The following ITFG1 variants were observed in gnomAD, a reference collection of about 807,000 sequenced individuals.
ITFG1 encodes T-cell immunomodulatory protein.
Under a neutral mutation model 81.8 loss-of-function variants are expected in ITFG1, and 34 were observed. That is an observed-to-expected ratio of 0.42 (90% confidence interval 0.32 to 0.55). The LOEUF (loss-of-function observed/expected upper bound fraction) is 0.55, where lower values mean the gene tolerates loss of function less well. Among genes scored for constraint, ITFG1 ranks in the 20% least tolerant of loss-of-function variants. ITFG1 has a pLI of 0.17. For missense variants in ITFG1, 672 were observed against 755.4 expected, an observed-to-expected ratio of 0.89 and a Z score of 1.29; for synonymous variants, 285 against 270.6, an observed-to-expected ratio of 1.05 and a Z score of -0.52.
intron 8 of ITFG1, among the ~76,000 whole-genome samples, chr16:47,335,047 T>G (rs1967684400): frequency 6.6e-6 from 1 of 152,124 alleles, no homozygotes; most frequent in Non-Finnish European, 1.5e-5. Context: ...AAATTACACA[T>G]ACATGCTTTT....
At chr16:47,377,217 C>T (rs1968337775) in intron 6 of ITFG1, among the ~76,000 whole-genome samples, 1 of 152,072 alleles carries the variant, frequency 6.6e-6, no homozygotes, top group Non-Finnish European at 1.5e-5. Flanking sequence ...GAACTCAAAA[C>T]TCCTCATTCC....
At chr16:47,289,925 T>C (rs763135076) in intron 10 of ITFG1, among the ~76,000 whole-genome samples, 3 of 152,118 alleles carry the variant, frequency 2.0e-5, no homozygotes, top group Non-Finnish European at 4.4e-5. Context: ...TTGACATGCA[T>C]TGTTAGGTGG....
At chr16:47,375,766 C>A (rs1465443062) in intron 7 of ITFG1, 110 bp downstream of exon 7, 1 of 746,632 alleles carries the variant, frequency 1.3e-6, no homozygotes, top group East Asian at 2.7e-5. Flanking sequence ...TTAAAGTTTT[C>A]TATTTATTGT....
intron 10 of ITFG1, among the ~76,000 whole-genome samples, chr16:47,274,955 G>T (rs1257104710): frequency 1.3e-5 from 2 of 152,130 alleles, no homozygotes; most frequent in African/African-American, 4.8e-5. Context: ...AGTATGTAAA[G>T]AATTGAAATA....
chr16:47,430,050 T>TA (rs1003894455), intron 5 of ITFG1, among the ~76,000 whole-genome samples: 4 of 151,148 alleles, frequency 2.6e-5, no homozygotes, highest in African/African-American at 9.7e-5. Flanking sequence ...GTTGTCTTTT[T>TA]ACTTTTCTTT....
At chr16:47,267,982 A>C (rs1351934301) in intron 10 of ITFG1, among the ~76,000 whole-genome samples, 1 of 152,072 alleles carries the variant, frequency 6.6e-6, no homozygotes, top group Non-Finnish European at 1.5e-5. Flanking sequence ...TTAAAAGCCA[A>C]AAATAGAAGA....
At chr16:47,369,895 A>AGT (rs1253577788) in intron 7 of ITFG1, among the ~76,000 whole-genome samples, 1 of 123,684 alleles carries the variant, frequency 8.1e-6, no homozygotes, top group East Asian at 2.4e-4. Flanking sequence ...GCTGGAGGGC[A>AGT]GTGGCGCGAT....
At chr16:47,276,029 T>C (rs1470250095) in intron 10 of ITFG1, among the ~76,000 whole-genome samples, 1 of 152,098 alleles carries the variant, frequency 6.6e-6, no homozygotes, top group Admixed American at 6.6e-5. Flanking sequence ...ACACCATGAC[T>C]ACTCAACACT....
intron 10 of ITFG1, among the ~76,000 whole-genome samples, chr16:47,270,583 T>A (rs1266768624): frequency 6.6e-6 from 1 of 152,226 alleles, no homozygotes; most frequent in Non-Finnish European, 1.5e-5. Flanking sequence ...AAGCACATGT[T>A]CAGACAATAA....
At chr16:47,199,145 A>G (rs774617450) in intron 14 of ITFG1, among the ~76,000 whole-genome samples, 1 of 151,962 alleles carries the variant, frequency 6.6e-6, no homozygotes, top group African/African-American at 2.4e-5. Flanking sequence ...ATCATGGCCC[A>G]TAATCCCAGT....
At chr16:47,398,599 A>G (rs1040263896) in intron 6 of ITFG1, among the ~76,000 whole-genome samples, 2 of 152,230 alleles carry the variant, frequency 1.3e-5, no homozygotes, top group African/African-American at 4.8e-5. Context: ...ACTTGATTTA[A>G]GTTTCCTTTC....
At chr16:47,432,331 T>C (rs1969106517) in intron 5 of ITFG1, among the ~76,000 whole-genome samples, 1 of 152,210 alleles carries the variant, frequency 6.6e-6, no homozygotes, top group African/African-American at 2.4e-5. Flanking sequence ...ACTGACTGGA[T>C]AGCAAACAAG....
intron 12 of ITFG1, among the ~76,000 whole-genome samples, chr16:47,240,773 T>C (rs1375388162): frequency 6.6e-6 from 1 of 152,188 alleles, no homozygotes; most frequent in Non-Finnish European, 1.5e-5. Context: ...GAAGGCATTA[T>C]GTTAGGATAA....
At chr16:47,256,386 T>C (rs1006769624) in intron 12 of ITFG1, among the ~76,000 whole-genome samples, 2 of 152,212 alleles carry the variant, frequency 1.3e-5, no homozygotes, top group Admixed American at 1.3e-4. Context: ...CTTACTCCAA[T>C]ACTCATTGTT....
At chr16:47,421,980 C>T (rs1243932664) in intron 6 of ITFG1, among the ~76,000 whole-genome samples, 1 of 152,194 alleles carries the variant, frequency 6.6e-6, no homozygotes, top group East Asian at 1.9e-4. Flanking sequence ...TTTCCAGCTT[C>T]ATCCATGTCC....
At chr16:47,271,139 T>C (rs1175675766) in intron 10 of ITFG1, among the ~76,000 whole-genome samples, 10 of 152,062 alleles carry the variant, frequency 6.6e-5, no homozygotes, top group Non-Finnish European at 5.9e-5. Context: ...CTTGACATCA[T>C]CAAGTTTGTG....
chr16:47,443,291 CT>C (rs1969278538), intron 5 of ITFG1, among the ~76,000 whole-genome samples: 2 of 152,200 alleles, frequency 1.3e-5, no homozygotes, highest in Admixed American at 1.3e-4. Context: ...CACTTTTACA[CT>C]GTTGGTGGGA....
intron 14 of ITFG1, among the ~76,000 whole-genome samples, chr16:47,177,569 G>A (rs1412773487): frequency 6.6e-6 from 1 of 152,136 alleles, no homozygotes; most frequent in Admixed American, 6.5e-5. Context: ...GAATATGTAT[G>A]TTAAATGCCG....
chr16:47,334,596 T>C (rs1596904858), intron 8 of ITFG1, among the ~76,000 whole-genome samples: 1 of 152,172 alleles, frequency 6.6e-6, no homozygotes, highest in African/African-American at 2.4e-5. Flanking sequence ...CAAGGCAAAT[T>C]ACACAGTTTT....
Sources: allele counts gnomAD v4.1 joint callset (sites outside exome capture counted in the v4.1 genomes callset), GRCh38; gene constraint gnomAD v4.1.1; transcripts MANE v1.5; gene names NCBI Gene and HGNC (gene_info 2026-07-23, HGNC 2026-07-21).